Variants in ZMAT4 observed in about 807,000 individuals in gnomAD.
ZMAT4 encodes the protein zinc finger matrin-type protein 4.
ZMAT4 carries 17 observed loss-of-function variants against 28.7 expected under a neutral mutation model. That is an observed-to-expected ratio of 0.59 (90% confidence interval 0.41 to 0.89). The LOEUF (loss-of-function observed/expected upper bound fraction) is 0.89. Ranked by LOEUF, ZMAT4 falls within the 40% of genes least tolerant of loss-of-function variation. The probability of loss-of-function intolerance (pLI) is 0.00; values close to 1 mark genes in which losing one functional copy is unlikely to be tolerated. For synonymous variants in ZMAT4, 117 were observed against 109.2 expected (o/e 1.07, Z -0.44); for missense variants, 240 against 283.8 (o/e 0.85, Z 1.11).
At chr8:40,684,949 G>T (rs1392919982) in intron 4 of ZMAT4, among the ~76,000 whole-genome samples, 1 of 151,262 alleles carries the variant, frequency 6.6e-6, no homozygotes, top group African/African-American at 2.4e-5. Flanking sequence ...ATTTTGAGTT[G>T]CCTTAAGCAT....
In ZMAT4 at chr8:40,825,584, G is replaced by T. The variant is rs1232318088; in HGVS notation, c.93C>A (p.Ala31=). The T allele has an allele frequency of 2.6e-6, 4 of 1,552,398 alleles. No homozygotes were observed. In the South Asian group the frequency reaches 3.6e-5, roughly 14 times the overall value. The stretch of plus-strand genomic sequence containing the variant: ...GAAACGCTGTCCTTACCTCGTAGTG[G>T]GCCACACGCTGCGATTCGGAGATCA... The part of the protein sequence containing the change: ...AQLISESQRV[A]HYESRKHASK... Residue 31 remains alanine (A), a synonymous_variant, in exon 2 of 7, where the codon GCC becomes GCA. Transcript: ENST00000297737.
intron 3 of ZMAT4, among the ~76,000 whole-genome samples, chr8:40,737,570 G>T (rs1358107660): frequency 6.6e-6 from 1 of 152,142 alleles, no homozygotes; most frequent in Non-Finnish European, 1.5e-5. Context: ...AACTAAAAAG[G>T]CCTACTGGCA....
intron 5 of ZMAT4, among the ~76,000 whole-genome samples, chr8:40,636,026 T>C (rs1172466538): frequency 2.0e-5 from 3 of 152,230 alleles, no homozygotes; most frequent in African/African-American, 7.2e-5. Flanking sequence ...GTAAGTTTCC[T>C]ATCCGACTGT....
chr8:40,720,130 T>C (rs1811016994), intron 3 of ZMAT4, among the ~76,000 whole-genome samples: 1 of 152,244 alleles, frequency 6.6e-6, no homozygotes, highest in African/African-American at 2.4e-5. Context: ...TTATCAACTT[T>C]TGGGGCATGT....
intron 2 of ZMAT4, among the ~76,000 whole-genome samples, chr8:40,770,037 C>T (rs1813324423): frequency 6.6e-6 from 1 of 152,150 alleles, no homozygotes; most frequent in African/African-American, 2.4e-5. Flanking sequence ...CCCCCACCTC[C>T]AGTTTTGGCA....
intron 4 of ZMAT4, among the ~76,000 whole-genome samples, chr8:40,694,227 T>A (rs1381015906): frequency 6.6e-6 from 1 of 152,172 alleles, no homozygotes; most frequent in Non-Finnish European, 1.5e-5. Context: ...AGGATGGCCA[T>A]CCGGACTCCA....
Position 40,697,252 on chromosome 8 carries a change from C to T in ZMAT4, c.342G>A (p.Lys114=), listed in dbSNP as rs375051525. Residue 114 remains lysine (K), a synonymous_variant, in exon 4 of 7, where the codon AAG becomes AAA. Coordinates refer to ENST00000297737, the MANE Select transcript of ZMAT4 (RefSeq NM_024645.3). ...CACTGTTCCTGCACGTACCTGTGGT[C>T]TTTAATGGGGTCTTCTCTCCTAGCA... ...KLLLGEKTPL[K]TTATPLSPLK... is the part of the protein sequence containing the mutation. 12 of 1,608,710 alleles carry T rather than the reference C, an allele frequency of 7.5e-6. No individual in the cohort carries two copies. Among genetic ancestry groups the T allele is most frequent in the Non-Finnish European group, 1.0e-5 (12 of 1,177,420 alleles).
At chr8:40,819,293 T>G (rs1815658021) in intron 2 of ZMAT4, among the ~76,000 whole-genome samples, 1 of 152,198 alleles carries the variant, frequency 6.6e-6, no homozygotes, top group African/African-American at 2.4e-5. Flanking sequence ...TCCCACTGGC[T>G]TGAAGAAATG....
intron 1 of ZMAT4, among the ~76,000 whole-genome samples, chr8:40,857,701 T>C (rs1401211920): frequency 6.6e-6 from 1 of 152,102 alleles, no homozygotes; most frequent in Non-Finnish European, 1.5e-5. Flanking sequence ...TAAAAACATA[T>C]GTCCCCAAAA....
chr8:40,717,723 A>G (rs1810918223), intron 3 of ZMAT4, among the ~76,000 whole-genome samples: 1 of 152,204 alleles, frequency 6.6e-6, no homozygotes, highest in African/African-American at 2.4e-5. Context: ...TAAAGCATTC[A>G]GTAAAAATGT....
chr8:40,830,890 T>C (rs1024079230), intron 1 of ZMAT4, among the ~76,000 whole-genome samples: 1 of 152,012 alleles, frequency 6.6e-6, no homozygotes, highest in African/African-American at 2.4e-5. Context: ...AGTTGTAAAA[T>C]AGGAGGAAAA....
rs73615430 is a variant in ZMAT4, at chr8:40,779,522, G to T, written c.103-11792C>A. On this transcript the variant is annotated intron_variant, in intron 2 of 6. Transcript: ENST00000297737. ...GGGGAGAGCTGAGAGGGGACTGCCG[G>T]AGGTCAAACTGCAAGAGTCCTTTCC... 1.0e-2 allele frequency among the ~76,000 whole-genome samples: 1,517 copies of T among 152,240 alleles called. 26 individuals are homozygous for T. The highest frequency in any genetic ancestry group is 0.034 in the African/African-American group (1,415 of 41,542).
chr8:40,859,355 C>T (rs989069662), intron 1 of ZMAT4, among the ~76,000 whole-genome samples: 12 of 152,156 alleles, frequency 7.9e-5, no homozygotes, highest in African/African-American at 2.4e-4. Context: ...TTTGCTTCTG[C>T]CCTTTTTCCA....
At position 40,670,167 on chromosome 8, in the gene ZMAT4, C is replaced by A. The variant is rs192740694; in HGVS notation, c.577+4537G>T. On this transcript the variant is annotated intron_variant, in intron 5 of 6. Transcript: ENST00000297737. ...CGAGACTTCTAGAATGCTGAAAAAT[C>A]ATTACAGTGTGGTGCTGGTATAAAG... 3.6e-3 allele frequency among the ~76,000 whole-genome samples: 551 copies of A among 152,268 alleles called. 4 individuals carry two copies. The highest frequency in any genetic ancestry group is 0.012 in the African/African-American group (519 of 41,554).
At chr8:40,706,436 C>A (rs887014714) in intron 3 of ZMAT4, among the ~76,000 whole-genome samples, 21 of 152,096 alleles carry the variant, frequency 1.4e-4, no homozygotes, top group African/African-American at 5.1e-4. Context: ...AATAAATTCC[C>A]AATTTTAACA....
chr8:40,826,641 C>A (rs1444907887), intron 1 of ZMAT4, among the ~76,000 whole-genome samples: 2 of 152,130 alleles, frequency 1.3e-5, no homozygotes, highest in African/African-American at 4.8e-5. Context: ...CCATACTTTG[C>A]AACACGGGGA....
intron 3 of ZMAT4, among the ~76,000 whole-genome samples, chr8:40,732,083 T>A (rs776510713): frequency 6.6e-6 from 1 of 152,046 alleles, no homozygotes; most frequent in African/African-American, 2.4e-5. Context: ...AGGGAGGTAT[T>A]GTTTAATGGG....
At chr8:40,859,022 C>G (rs1817396859) in intron 1 of ZMAT4, among the ~76,000 whole-genome samples, 1 of 152,218 alleles carries the variant, frequency 6.6e-6, no homozygotes. Context: ...AGGAAAGCCT[C>G]TGCCATCACC....
chr8:40,683,681 T>C (rs1809272471), intron 4 of ZMAT4, among the ~76,000 whole-genome samples: 7 of 152,194 alleles, frequency 4.6e-5, no homozygotes, highest in Admixed American at 4.6e-4. Flanking sequence ...GTTTTAAAGT[T>C]ATGCAGTACT....
Sources: allele counts gnomAD v4.1 joint callset (sites outside exome capture counted in the v4.1 genomes callset), GRCh38; gene constraint gnomAD v4.1.1; transcripts MANE v1.5; gene names NCBI Gene and HGNC (gene_info 2026-07-23, HGNC 2026-07-21).